The following MIDEAS variants were observed in gnomAD, a reference collection of about 807,000 sequenced individuals.
MIDEAS encodes mitotic deacetylase-associated SANT domain protein.
MIDEAS carries 26 observed loss-of-function variants against 102.7 expected under a neutral mutation model. The ratio of observed to expected loss-of-function variants is 0.25; its 90% CI spans 0.19 to 0.35. The LOEUF is 0.35. Among genes scored for constraint, MIDEAS ranks in the 10% least tolerant of loss-of-function variants. The probability of loss-of-function intolerance (pLI) is 1.00; values close to 1 mark genes in which losing one functional copy is unlikely to be tolerated. For missense variants in MIDEAS, 1,231 were observed against 1,435.6 expected (o/e 0.86, Z 2.30); for synonymous variants, 585 against 591.0 (o/e 0.99, Z 0.15).
intron 11 of MIDEAS, among the ~76,000 whole-genome samples, chr14:73,720,570 AAG>A (rs2052975508): frequency 6.6e-6 from 1 of 152,094 alleles, no homozygotes; most frequent in African/African-American, 2.4e-5. Flanking sequence ...TCTAAAAAAA[AAG>A]ACTCTAAAAA....
chr14:73,770,538 G>A (rs1269578535), intron 1 of MIDEAS, among the ~76,000 whole-genome samples: 1 of 152,140 alleles, frequency 6.6e-6, no homozygotes, highest in Admixed American at 6.5e-5. Context: ...TGGGGATGGT[G>A]CGGGGGAGTG....
intron 2 of MIDEAS, 53 bp downstream of exon 2, chr14:73,738,507 C>T: frequency 6.9e-7 from 1 of 1,453,896 alleles, no homozygotes; most frequent in South Asian, 1.5e-5. Context: ...AGCCGCCCAC[C>T]TATCAGCCTG....
chr14:73,722,748 C>G lies in MIDEAS; in HGVS notation c.2674G>C (p.Asp892His), dbSNP rs1458779528. Residue 892 changes from aspartate (D) to histidine (H), a missense_variant, in exon 10 of 13, where the codon GAT becomes CAT. This residue lies in a region of MIDEAS where 391 missense variants were observed against 483.0 expected (regional missense o/e 0.81). Coordinates refer to ENST00000423556, the MANE Select transcript of MIDEAS (RefSeq NM_001367710.1). ...RNGTLTFGDV[D>H]TSDEKSAQEE... ...TGGGCCGACTTCTCATCGCTCGTAT[C>G]CACATCCCCAAAGGTTAGAGTCCCA... 6.2e-7 allele frequency: 1 copy of G among 1,614,200 alleles called. No homozygotes were observed.
intron 1 of MIDEAS, among the ~76,000 whole-genome samples, chr14:73,756,427 T>C (rs1390476992): frequency 6.6e-6 from 1 of 152,212 alleles, no homozygotes; most frequent in East Asian, 1.9e-4. Context: ...TCCTGAATGT[T>C]GCTTCGAATG....
At chr14:73,765,982 A>T (rs1472721677) in intron 1 of MIDEAS, among the ~76,000 whole-genome samples, 1 of 152,164 alleles carries the variant, frequency 6.6e-6, no homozygotes, top group Non-Finnish European at 1.5e-5. Context: ...ATAGTGGTGC[A>T]ATTCATGCTC....
At chr14:73,751,964 T>C (rs1186128707) in intron 1 of MIDEAS, among the ~76,000 whole-genome samples, 1 of 152,122 alleles carries the variant, frequency 6.6e-6, no homozygotes, top group Non-Finnish European at 1.5e-5. Flanking sequence ...CCATGGAGTC[T>C]AGGCTCCTGT....
At chr14:73,757,419 T>C (rs2053498730) in intron 1 of MIDEAS, among the ~76,000 whole-genome samples, 1 of 152,074 alleles carries the variant, frequency 6.6e-6, no homozygotes, top group Non-Finnish European at 1.5e-5. Context: ...AGCAACTCTA[T>C]GAAGGAGATA....
Position 73,725,155 on chromosome 14 carries a change from A to G in MIDEAS, c.2574+117T>C. ...TGTTTAGGAAATTCTCTCTGAGGCT[A>G]CTCAGTAGCATTGACCTGACTGCTT... On this transcript the variant is annotated intron_variant, in intron 9 of 12. Transcript: ENST00000423556. The surrounding 1 kb of genome is among the most constrained non-coding windows in gnomAD (Gnocchi z 4.1). The G allele has an allele frequency of 1.3e-6, 1 of 754,274 alleles. No individual in the cohort carries two copies. Among genetic ancestry groups the G allele is most frequent in the Non-Finnish European group, 2.4e-6 (1 of 416,426 alleles). 46.7% of individuals were successfully genotyped at this position (754,274 alleles called of 1,614,324 possible).
rs971188437 is a variant in MIDEAS at position 73,725,086 on chromosome 14, T to C, written c.2574+186A>G. The stretch of plus-strand genomic sequence containing the variant: ...TACCCTGAAGTGAGGAAAGGATGCT[T>C]AGAACCAAAAGGGAAAAGAGACCTA... On this transcript the variant is annotated intron_variant, in intron 9 of 12. Transcript: ENST00000423556. This position sits in a 1 kb window ranked among gnomAD's most constrained non-coding sequence, Gnocchi z 4.1. 3 of 554,194 alleles carry C rather than the reference T, an allele frequency of 5.4e-6. No homozygotes were observed. Among genetic ancestry groups the C allele is most frequent in the Non-Finnish European group, 9.8e-6 (3 of 305,670 alleles). 34.3% of individuals were successfully genotyped at this position (554,194 alleles called of 1,614,324 possible). A position where few individuals can be genotyped will look rare whatever the true frequency, so the allele number is the denominator to read the frequency against.
chr14:73,738,789 G>A lies in MIDEAS; in HGVS notation c.1220C>T (p.Ser407Leu), dbSNP rs1276586028. ...ALGFPLELRE[S>L]QLLPDGERLA... ...TCTCTCCCCATCAGGCAGTAGCTGC[G>A]ACTCCCTCAGCTCCAGCGGGAATCC... Residue 407 changes from serine (S) to leucine (L), a missense_variant, in exon 2 of 13, where the codon TCG becomes TTG. Transcript: ENST00000423556. 8.9e-6 allele frequency: 14 copies of A among 1,581,776 alleles called. No homozygotes were observed. In the African/African-American group the frequency reaches 9.5e-5, roughly 11 times the overall value.
rs775743222 is a variant in MIDEAS, at chr14:73,739,292, C to G, written c.717G>C (p.Pro239=). The change falls in exon 2 of 13, where the codon CCG becomes CCC. Residue 239 remains proline (P), a synonymous_variant. Coordinates refer to ENST00000423556, the MANE Select transcript of MIDEAS (RefSeq NM_001367710.1). ...GCTTCTGTGGAGGGAAGGCAGCCAC[C>G]GGGTTTGGGGGCGGTGGGCCCTGCC... ...VFRQGPPPPN[P]VAAFPPQKQQ... 3.1e-6 allele frequency: 5 copies of G among 1,611,552 alleles called. No individual in the cohort carries two copies. Among genetic ancestry groups the G allele is most frequent in the Admixed American group, 3.3e-5 (2 of 59,982 alleles).
intron 1 of MIDEAS, among the ~76,000 whole-genome samples, chr14:73,752,655 C>CA (rs111401425): frequency 1.3e-5 from 2 of 152,320 alleles, no homozygotes; most frequent in African/African-American, 4.8e-5. Flanking sequence ...TGGGCACAGA[C>CA]AGACGCCCAT....
At chr14:73,758,639 G>A (rs1185016118) in intron 1 of MIDEAS, 1 of 154,412 alleles carries the variant, frequency 6.5e-6, no homozygotes, top group Non-Finnish European at 1.5e-5. Context: ...CTGGCACACA[G>A]GTCCCACGTG....
chr14:73,769,666 A>G (rs1262537036), intron 1 of MIDEAS, among the ~76,000 whole-genome samples: 1 of 152,004 alleles, frequency 6.6e-6, no homozygotes, highest in Non-Finnish European at 1.5e-5. Context: ...CAGTGGTGCA[A>G]TCTTGGCTCA....
chr14:73,726,746 C>A (rs766202124), intron 6 of MIDEAS, 39 bp from the exon 7 acceptor site: 1 of 1,613,372 alleles, frequency 6.2e-7, no homozygotes, highest in South Asian at 1.1e-5. Context: ...GGGAGGAAAC[C>A]ACGTTCAGGG....
In MIDEAS at chr14:73,722,739, C is replaced by G. The variant is rs35905570; in HGVS notation, c.2683G>C (p.Asp895His). The G allele has an allele frequency of 1.2e-6, 2 of 1,614,188 alleles. No homozygotes were observed. Among genetic ancestry groups the G allele is most frequent in the Non-Finnish European group, 1.7e-6 (2 of 1,180,018 alleles). Residue 895 changes from aspartate to histidine, a missense_variant, in exon 10 of 13, where the codon GAT becomes CAT. This residue lies in a region of MIDEAS where 391 missense variants were observed against 483.0 expected (regional missense o/e 0.81). Transcript: ENST00000423556. ...TLTFGDVDTS[D>H]EKSAQEEVEV... is the part of the protein sequence containing the mutation. Reference sequence around the variant, plus strand: ...ACCTCTTCCTGGGCCGACTTCTCATCGCTCGTATCCACATCCCCAAAGGTT... The same window carrying G: ...ACCTCTTCCTGGGCCGACTTCTCATGGCTCGTATCCACATCCCCAAAGGTT...
chr14:73,719,927 G>C (rs2052962271), intron 11 of MIDEAS, among the ~76,000 whole-genome samples: 1 of 151,800 alleles, frequency 6.6e-6, no homozygotes, highest in African/African-American at 2.4e-5. Flanking sequence ...CAGAGCTGAG[G>C]ATCTGGTGGA....
chr14:73,775,847 G>A lies in MIDEAS; in HGVS notation c.-248+11255C>T, dbSNP rs569408952. ...ACACCTCTTGTTTTTTCTGGATGAG[G>A]AAACTGGGCAGGATGTGACAGGTGA... is the stretch of plus-strand genomic sequence containing the variant. On this transcript the variant is annotated intron_variant, in intron 1 of 11. Transcript: ENST00000394071. Among the ~76,000 whole-genome samples the A allele has an allele frequency of 3.3e-5, 5 of 152,092 alleles. 1 individual carries two copies. In the East Asian group the frequency reaches 9.7e-4, roughly 30 times the overall value.
chr14:73,726,210 C>T, intron 7 of MIDEAS, 102 bp from the exon 8 acceptor site: 2 of 939,958 alleles, frequency 2.1e-6, no homozygotes, highest in Middle Eastern at 2.1e-4. Context: ...TGGACACTTA[C>T]TCTTGCCCCC....
Sources: gnomAD v4.1 joint callset for allele counts (sites outside exome capture counted in the v4.1 genomes callset) on GRCh38, gnomAD v4.1.1 for gene constraint, gnomAD v4.1.1 regional missense constraint, Gnocchi (gnomAD v3.1) non-coding constraint, MANE v1.5 for transcripts, NCBI Gene and HGNC (gene_info 2026-07-23, HGNC 2026-07-21) for gene names.